Variants in CTNNA2 observed in about 807,000 individuals in gnomAD.
CTNNA2 encodes the protein catenin alpha 2, also known as catenin alpha-2.
In CTNNA2, 42 loss-of-function variants were observed where a neutral mutation model predicts 101.0. That is an observed-to-expected ratio of 0.42 (90% CI 0.32 to 0.54). The LOEUF is 0.54. CTNNA2 is among the 20% of genes least tolerant of loss of function. CTNNA2 has a pLI of 0.14. For synonymous variants in CTNNA2, 450 were observed against 456.4 expected (o/e 0.99, Z 0.18); for missense variants, 871 against 1,223.1 (o/e 0.71, Z 4.29).
chr2:80,173,379 A>C (rs1173000850), intron 7 of CTNNA2, among the ~76,000 whole-genome samples: 2 of 152,234 alleles, frequency 1.3e-5, no homozygotes, highest in African/African-American at 4.8e-5. Context: ...CAAATATTTA[A>C]AAATGGAAAG....
intron 7 of CTNNA2, among the ~76,000 whole-genome samples, chr2:80,239,641 G>T (rs1709737816): frequency 6.6e-6 from 1 of 152,062 alleles, no homozygotes; most frequent in Non-Finnish European, 1.5e-5. Flanking sequence ...GCCTGGCGTG[G>T]TGGCTCACAT....
intron 2 of CTNNA2, among the ~76,000 whole-genome samples, chr2:79,231,530 T>C (rs1050554395): frequency 3.9e-5 from 6 of 152,196 alleles, no homozygotes; most frequent in Non-Finnish European, 8.8e-5. Context: ...AACAGACTGA[T>C]GCACAGGCTT....
chr2:80,298,231 C>T (rs1320742248), intron 7 of CTNNA2: 1 of 152,054 alleles, frequency 6.6e-6, no homozygotes. Flanking sequence ...ATTTAATGGT[C>T]ATATTCTAGC....
chr2:79,887,888 T>C (rs1179639966), intron 6 of CTNNA2, among the ~76,000 whole-genome samples: 1 of 152,164 alleles, frequency 6.6e-6, no homozygotes, highest in Non-Finnish European at 1.5e-5. Context: ...CAATTCTTTC[T>C]AACTGGAAAC....
Position 80,210,914 on chromosome 2 carries a change from G to C in CTNNA2, c.1057-182297G>C, listed in dbSNP as rs1223510123. ...CTTTTTAATAATCGCCATTCTAACTGGTGTGATATGGTATCTCATTGTGGT... is the reference window on the plus strand; with the variant it reads ...CTTTTTAATAATCGCCATTCTAACTCGTGTGATATGGTATCTCATTGTGGT... On this transcript the variant is annotated intron_variant, in intron 7 of 18. Transcript: ENST00000402739. Among the ~76,000 whole-genome samples the C allele has an allele frequency of 2.6e-5, 4 of 152,256 alleles. No individual in the cohort carries two copies. In the South Asian group the frequency reaches 6.2e-4, roughly 24 times the overall value.
At chr2:80,342,834 G>T (rs545042811) in intron 7 of CTNNA2, among the ~76,000 whole-genome samples, 4 of 152,320 alleles carry the variant, frequency 2.6e-5, no homozygotes, top group African/African-American at 9.6e-5. Context: ...TTAAACAACA[G>T]AAATGTATTG....
chr2:79,982,297 C>T (rs1367595219), intron 7 of CTNNA2, among the ~76,000 whole-genome samples: 1 of 123,494 alleles, frequency 8.1e-6, no homozygotes, highest in Admixed American at 8.4e-5. Context: ...ACATATATAA[C>T]ATATATAAAA....
At chr2:80,167,414 G>T (rs1704773855) in intron 7 of CTNNA2, among the ~76,000 whole-genome samples, 1 of 152,152 alleles carries the variant, frequency 6.6e-6, no homozygotes, top group African/African-American at 2.4e-5. Context: ...GTGCTTGGAA[G>T]TATGTCTATT....
intron 7 of CTNNA2, among the ~76,000 whole-genome samples, chr2:80,107,946 C>G (rs1434581356): frequency 6.6e-6 from 1 of 152,152 alleles, no homozygotes; most frequent in African/African-American, 2.4e-5. Context: ...AAGTTGGCAC[C>G]CCTGTCACAA....
chr2:80,302,835 G>A lies in CTNNA2; in HGVS notation c.1057-90376G>A. Reference sequence around the variant, plus strand: ...TCGTAGCGCCCCTGGAAGTTGTTGAGCCACGAGGCTAGGGCACACACGTTG... The same window carrying A: ...TCGTAGCGCCCCTGGAAGTTGTTGAACCACGAGGCTAGGGCACACACGTTG... On this transcript the variant is annotated intron_variant, in intron 7 of 18. Coordinates refer to ENST00000402739, the MANE Select transcript of CTNNA2 (RefSeq NM_001282597.3). This position sits in a 1 kb window ranked among gnomAD's most constrained non-coding sequence, Gnocchi z 6.4. The A allele has an allele frequency of 1.9e-6, 3 of 1,614,076 alleles. No individual in the cohort carries two copies. Among genetic ancestry groups the A allele is most frequent in the Non-Finnish European group, 1.7e-6 (2 of 1,180,036 alleles).
At chr2:79,948,369 G>A (rs547566199) in intron 7 of CTNNA2, among the ~76,000 whole-genome samples, 2 of 152,296 alleles carry the variant, frequency 1.3e-5, no homozygotes, top group East Asian at 1.9e-4. Context: ...GGAATACCAC[G>A]TCATTATGAT....
intron 3 of CTNNA2, among the ~76,000 whole-genome samples, chr2:79,345,355 T>C (rs957005884): frequency 6.6e-6 from 1 of 152,150 alleles, no homozygotes; most frequent in Non-Finnish European, 1.5e-5. Context: ...TTTGATTGTG[T>C]TCTTGTGGTT....
At chr2:80,470,119 T>G (rs1685174890) in intron 9 of CTNNA2, among the ~76,000 whole-genome samples, 2 of 152,112 alleles carry the variant, frequency 1.3e-5, no homozygotes. Context: ...CCACATCCAG[T>G]GCCATTTAGA....
At chr2:79,982,820 T>G (rs1691479300) in intron 7 of CTNNA2, among the ~76,000 whole-genome samples, 1 of 152,168 alleles carries the variant, frequency 6.6e-6, no homozygotes, top group African/African-American at 2.4e-5. Flanking sequence ...TTTTACTTAT[T>G]GATACATATG....
At position 79,494,972 on chromosome 2, in the gene CTNNA2, A is replaced by G. The variant is rs185493012; in HGVS notation, c.-134-10082A>G. On this transcript the variant is annotated intron_variant, in intron 4 of 21. Transcript: ENST00000466387. Reference sequence around the variant, plus strand: ...AAAAAAATTAGCTGGGCGTGGTTGCAGGCGCCTGTAGTCCCAGCTACTTAG... The same window carrying G: ...AAAAAAATTAGCTGGGCGTGGTTGCGGGCGCCTGTAGTCCCAGCTACTTAG... Among the ~76,000 whole-genome samples the G allele has an allele frequency of 7.2e-3, 1,096 of 152,132 alleles. 17 individuals carry two copies. The highest frequency in any genetic ancestry group is 0.025 in the African/African-American group (1,028 of 41,494).
At chr2:79,391,340 C>A (rs921809623) in intron 4 of CTNNA2, among the ~76,000 whole-genome samples, 3 of 152,162 alleles carry the variant, frequency 2.0e-5, no homozygotes, top group Non-Finnish European at 4.4e-5. Flanking sequence ...TATCATGATC[C>A]ACTTCCACTT....
chr2:79,213,367 C>G (rs1166111934), intron 2 of CTNNA2, among the ~76,000 whole-genome samples: 1 of 152,068 alleles, frequency 6.6e-6, no homozygotes, highest in African/African-American at 2.4e-5. Flanking sequence ...GTGAGGAAAC[C>G]TCTTGCATGG....
At chr2:79,510,624 T>C (rs1217722489), upstream of CTNNA2, among the ~76,000 whole-genome samples, 1 of 152,168 alleles carries the variant, frequency 6.6e-6, no homozygotes, top group Non-Finnish European at 1.5e-5. Context: ...CTGAAACCCA[T>C]TGCCTGAGTA....
intron 7 of CTNNA2, among the ~76,000 whole-genome samples, chr2:80,330,936 A>G (rs886296479): frequency 1.4e-4 from 22 of 152,072 alleles, no homozygotes; most frequent in African/African-American, 5.1e-4. Flanking sequence ...ATTTGCCACA[A>G]GGTACTTCAT....
Sources: allele counts gnomAD v4.1 joint callset (sites outside exome capture counted in the v4.1 genomes callset), GRCh38; gene constraint gnomAD v4.1.1; non-coding constraint Gnocchi (gnomAD v3.1); transcripts MANE v1.5; gene names NCBI Gene and HGNC (gene_info 2026-07-23, HGNC 2026-07-21).